The following IQSEC1 variants were observed in gnomAD, a reference collection of about 807,000 sequenced individuals.
The protein encoded by IQSEC1 is IQ motif and Sec7 domain ArfGEF 1, also known as IQ motif and SEC7 domain-containing protein 1.
In IQSEC1, 31 loss-of-function variants were observed where a neutral mutation model predicts 91.0. That is an observed-to-expected ratio of 0.34 (90% CI 0.26 to 0.46). IQSEC1 has a LOEUF of 0.46. Ranked by LOEUF, IQSEC1 falls within the 20% of genes least tolerant of loss-of-function variation. The pLI, the probability that IQSEC1 is intolerant of heterozygous loss-of-function variation, is 1.00. For synonymous variants in IQSEC1, 699 were observed against 662.6 expected (o/e 1.05, Z -0.84); for missense variants, 1,388 against 1,575.6 (o/e 0.88, Z 2.02).
In IQSEC1 at chr3:13,146,020, G is replaced by A. The variant is rs75811444; in HGVS notation, c.302+18084C>T. ...ATTTTTATTTTTTCAAGAGACTAAC[G>A]TCTGTCACTCAGGCTGGAGTGCAGT... On this transcript the variant is annotated intron_variant, in intron 2 of 15. Coordinates refer to the IQSEC1 transcript ENST00000648114. Among the ~76,000 whole-genome samples, 29 of 152,190 alleles carry A rather than the reference G, an allele frequency of 1.9e-4. No homozygotes were observed. In the East Asian group the frequency reaches 5.4e-3, roughly 28 times the overall value.
chr3:12,909,465 C>T lies in IQSEC1; in HGVS notation c.2417-31G>A, dbSNP rs545967223. 6.2e-7 allele frequency: 1 copy of T among 1,601,138 alleles called. No homozygotes were observed. Among genetic ancestry groups the T allele is most frequent in the African/African-American group, 1.3e-5 (1 of 74,698 alleles). On this transcript the variant is annotated intron_variant, in intron 10 of 13. Transcript: ENST00000613206. This position sits in a 1 kb window ranked among gnomAD's most constrained non-coding sequence, Gnocchi z 4.9. ...AAAGGGAAGGAGAGGGGAGGAGGCC[C>T]ACGGGTCTCAGTGTGTTCTCTGCAA...
chr3:13,032,000 A>G (rs187860495), intron 1 of IQSEC1, among the ~76,000 whole-genome samples: 1 of 152,138 alleles, frequency 6.6e-6, no homozygotes, highest in East Asian at 1.9e-4. Flanking sequence ...GGAAGAGCAC[A>G]AAGAACCCCT....
In IQSEC1 at chr3:13,015,611, G is replaced by A. The variant is rs557621868; in HGVS notation, c.23+57381C>T. On this transcript the variant is annotated intron_variant, in intron 1 of 13. Transcript: ENST00000613206. ...AGTGGAGGGGGCGGAGGTGTCCCTG[G>A]AACCCCAGTGCCTGGCCTGCCTCTG... 1.5e-3 allele frequency: 1,495 copies of A among 985,244 alleles called. 1 individual carries two copies. Among genetic ancestry groups the A allele is most frequent in the Non-Finnish European group, 1.7e-3 (1,425 of 829,914 alleles). The allele number at this position is 985,244 out of a possible 1,614,324, so 61.0% of individuals were successfully genotyped here.
intron 2 of IQSEC1, among the ~76,000 whole-genome samples, chr3:13,099,454 G>C (rs374135390): frequency 2.2e-4 from 33 of 152,330 alleles, no homozygotes; most frequent in Admixed American, 5.9e-4. Flanking sequence ...AGGTGGTGCT[G>C]CTCAGGGCTT....
At chr3:13,076,459 C>T (rs1166046044), upstream of IQSEC1, among the ~76,000 whole-genome samples, 1 of 152,208 alleles carries the variant, frequency 6.6e-6, no homozygotes, top group Non-Finnish European at 1.5e-5. Flanking sequence ...CAGATCGGCT[C>T]ACTCCTGCAA....
chr3:12,927,769 G>A (rs964292958), intron 3 of IQSEC1, among the ~76,000 whole-genome samples: 5 of 152,242 alleles, frequency 3.3e-5, no homozygotes, highest in Non-Finnish European at 4.4e-5. Context: ...GGGCCCCTGC[G>A]GGTGCAGCTG....
rs148367829 is a variant in IQSEC1 at position 13,165,113 on chromosome 3, G to A, written c.273-980C>T. ...CCTTGGTGCTGCCCAGCCTGGTCGC[G>A]CTCACCAGTAGCAAATGAGACAGAA... On this transcript the variant is annotated intron_variant, in intron 1 of 15. Coordinates refer to the IQSEC1 transcript ENST00000648114. Among the ~76,000 whole-genome samples, 288 of 152,234 alleles carry A rather than the reference G, an allele frequency of 1.9e-3. 4 individuals carry two copies. Among genetic ancestry groups the A allele is most frequent in the African/African-American group, 6.6e-3 (276 of 41,536 alleles).
chr3:13,258,421 C>G (rs1025795196), intron 1 of IQSEC1, among the ~76,000 whole-genome samples: 2 of 152,214 alleles, frequency 1.3e-5, no homozygotes, highest in African/African-American at 4.8e-5. Flanking sequence ...ATGGCTCACA[C>G]TTGTAATCCT....
chr3:13,001,819 G>C (rs899236595), intron 1 of IQSEC1, among the ~76,000 whole-genome samples: 3 of 152,218 alleles, frequency 2.0e-5, no homozygotes, highest in Non-Finnish European at 4.4e-5. Context: ...AGCACTTTGG[G>C]AGGCTGAGGC....
At chr3:12,920,315 C>T (rs761332126) in intron 6 of IQSEC1, 115 bp downstream of exon 6, 66 of 1,051,024 alleles carry the variant, frequency 6.3e-5, no homozygotes, top group Non-Finnish European at 7.5e-5. Flanking sequence ...CCTGGAGTGC[C>T]GGAGCACAGC....
At chr3:13,116,268 TGGGG>T (rs1706334299) in intron 2 of IQSEC1, among the ~76,000 whole-genome samples, 1 of 152,148 alleles carries the variant, frequency 6.6e-6, no homozygotes, top group African/African-American at 2.4e-5. Flanking sequence ...GAGCTATATG[TGGGG>T]GCCAGATGGT....
At chr3:13,016,467 C>T (rs2124944212) in intron 1 of IQSEC1, among the ~76,000 whole-genome samples, 1 of 152,336 alleles carries the variant, frequency 6.6e-6, no homozygotes, top group East Asian at 1.9e-4. Flanking sequence ...ACAGAAAGCA[C>T]AGCAATGTTA....
chr3:13,059,146 A>G (rs144872132), intron 1 of IQSEC1, among the ~76,000 whole-genome samples: 2 of 152,140 alleles, frequency 1.3e-5, no homozygotes, highest in Non-Finnish European at 2.9e-5. Context: ...TCCAGACACA[A>G]GGAGCTCAAT....
chr3:12,974,192 T>G (rs1701044976), intron 1 of IQSEC1, among the ~76,000 whole-genome samples: 1 of 152,124 alleles, frequency 6.6e-6, no homozygotes, highest in African/African-American at 2.4e-5. Flanking sequence ...GCCTGGCACA[T>G]GATGGGTGCT....
intron 1 of IQSEC1, among the ~76,000 whole-genome samples, chr3:13,038,260 G>GTATATATATATA (rs1452632242): frequency 4.7e-3 from 294 of 62,152 alleles, no homozygotes; most frequent in East Asian, 0.011. Flanking sequence ...GTGTGTGTGT[G>GTATATATATATA]TGTATATATA....
intron 1 of IQSEC1, among the ~76,000 whole-genome samples, chr3:12,986,411 C>A (rs891792986): frequency 1.3e-4 from 20 of 152,234 alleles, no homozygotes; most frequent in African/African-American, 4.6e-4. Context: ...CACAGGCAGA[C>A]TACTGAGATG....
intron 1 of IQSEC1, among the ~76,000 whole-genome samples, chr3:12,997,521 C>G (rs1702269716): frequency 6.6e-6 from 1 of 152,190 alleles, no homozygotes; most frequent in Non-Finnish European, 1.5e-5. Flanking sequence ...GGGATACATT[C>G]TGAGAAATGT....
chr3:13,023,643 G>A (rs1682591970), intron 1 of IQSEC1, among the ~76,000 whole-genome samples: 1 of 152,196 alleles, frequency 6.6e-6, no homozygotes, highest in Non-Finnish European at 1.5e-5. Context: ...CCCCCGGCCT[G>A]TGCAGAATGG....
intron 1 of IQSEC1, among the ~76,000 whole-genome samples, chr3:13,202,443 C>G (rs534641798): frequency 1.3e-5 from 2 of 152,268 alleles, no homozygotes; most frequent in South Asian, 2.1e-4. Flanking sequence ...TGTGGTGCAC[C>G]CATCCTTATA....
Sources: allele counts gnomAD v4.1 joint callset (sites outside exome capture counted in the v4.1 genomes callset), GRCh38; gene constraint gnomAD v4.1.1; non-coding constraint Gnocchi (gnomAD v3.1); transcripts MANE v1.5; gene names NCBI Gene and HGNC (gene_info 2026-07-23, HGNC 2026-07-21).